E2F3: variants seen among roughly 807,000 people sequenced by gnomAD.
E2F3 encodes transcription factor E2F3.
E2F3 carries 11 observed loss-of-function variants against 44.4 expected under a neutral mutation model. That is an observed-to-expected ratio of 0.25 (90% CI 0.16 to 0.41). E2F3 has a LOEUF of 0.41. E2F3 is among the 10% of genes least tolerant of loss of function. The pLI is 1.00. For synonymous variants in E2F3, 249 were observed against 253.0 expected (o/e 0.98, Z 0.15); for missense variants, 487 against 583.6 (o/e 0.83, Z 1.70).
chr6:20,491,448 G>A lies in E2F3; in HGVS notation c.*1018G>A, dbSNP rs556130215. 1 of 224,304 alleles carries A rather than the reference G, an allele frequency of 4.5e-6. No individual in the cohort carries two copies. The highest frequency in any genetic ancestry group is 2.2e-5 in the African/African-American group (1 of 44,856). 13.9% of individuals were successfully genotyped at this position (224,304 alleles called of 1,614,324 possible). On this transcript the variant is annotated 3_prime_UTR_variant, in exon 7 of 7. Transcript: ENST00000346618. Reference sequence around the variant, plus strand: ...CCATCGTGCTTCCATTCCCAGGAGGGGGAGCTTGGAGCGAGTCAGTCCTGG... The same window carrying A: ...CCATCGTGCTTCCATTCCCAGGAGGAGGAGCTTGGAGCGAGTCAGTCCTGG...
intron 3 of E2F3, 129 bp from the exon 4 acceptor site, chr6:20,482,633 C>A: frequency 1.9e-6 from 1 of 521,476 alleles, no homozygotes; most frequent in Non-Finnish European, 3.1e-6. Flanking sequence ...TGTAAATGTT[C>A]TAATTTTAAC....
intron 1 of E2F3, among the ~76,000 whole-genome samples, chr6:20,430,684 A>G (rs1760372141): frequency 6.6e-6 from 1 of 152,116 alleles, no homozygotes; most frequent in Non-Finnish European, 1.5e-5. Flanking sequence ...AAGTGAGGTG[A>G]TTTTACTCTT....
At position 20,425,704 on chromosome 6, in the gene E2F3, A is replaced by G. The variant is rs116506289; in HGVS notation, c.393+23079A>G. 2.2e-3 allele frequency among the ~76,000 whole-genome samples: 328 copies of G among 152,128 alleles called. 1 individual carries two copies. Among genetic ancestry groups the G allele is most frequent in the African/African-American group, 7.6e-3 (315 of 41,508 alleles). ...TGAGCCACTGCGCCCGGCCCCTTCT[A>G]CCTTTTAGAAGAAAATGCAACAACG... On this transcript the variant is annotated intron_variant, in intron 1 of 6. Transcript: ENST00000346618.
chr6:20,402,550 C>T lies in E2F3; in HGVS notation c.318C>T (p.Pro106=), dbSNP rs1177813256. Reference sequence around the variant, plus strand: ...TCCTCTACACCACGCCGCACGGACCCTCCAGCAGAGCCGGGCTGCTGCAGC... The same window carrying T: ...TCCTCTACACCACGCCGCACGGACCTTCCAGCAGAGCCGGGCTGCTGCAGC... ...GSLLYTTPHG[P]SSRAGLLQQP... The change falls in exon 1 of 7, where the codon CCC becomes CCT. Residue 106 remains proline, a synonymous_variant. Coordinates refer to ENST00000346618, the MANE Select transcript of E2F3 (RefSeq NM_001949.5). This position sits in a 1 kb window ranked among gnomAD's most constrained non-coding sequence, Gnocchi z 5.6. 6.3e-7 allele frequency: 1 copy of T among 1,576,934 alleles called. No individual in the cohort carries two copies. The highest frequency in any genetic ancestry group is 8.5e-7 in the Non-Finnish European group (1 of 1,171,322).
At chr6:20,416,383 C>T (rs1561849897) in intron 1 of E2F3, among the ~76,000 whole-genome samples, 1 of 152,166 alleles carries the variant, frequency 6.6e-6, no homozygotes. Context: ...TTCTAGGTAC[C>T]AGGAATACAG....
intron 1 of E2F3, among the ~76,000 whole-genome samples, chr6:20,418,880 CTTA>C (rs1402782502): frequency 1.3e-5 from 2 of 151,416 alleles, no homozygotes; most frequent in African/African-American, 4.9e-5. Flanking sequence ...TTAGTACCTG[CTTA>C]TTATTTTTTT....
In E2F3 at chr6:20,482,808, G is replaced by A; in HGVS notation, c.772G>A (p.Gly258Ser). The change falls in exon 4 of 7, where the codon GGC becomes AGC. Residue 258 changes from glycine (G) to serine (S), a missense_variant. This residue lies in a region of E2F3 where 220 missense variants were observed against 261.7 expected (regional missense o/e 0.84). Transcript: ENST00000346618. ...EDGGMLAQCQ[G>S]LSKEVTELSQ... Reference sequence around the variant, plus strand: ...TGGGGGCATGCTGGCCCAGTGTCAAGGCCTGTCAAAAGAAGTGACCGAGCT... The same window carrying A: ...TGGGGGCATGCTGGCCCAGTGTCAAAGCCTGTCAAAAGAAGTGACCGAGCT... 4 of 1,613,208 alleles carry A rather than the reference G, an allele frequency of 2.5e-6. No homozygotes were observed. The highest frequency in any genetic ancestry group is 3.4e-6 in the Non-Finnish European group (4 of 1,179,696).
intron 1 of E2F3, among the ~76,000 whole-genome samples, chr6:20,410,273 A>G (rs537653382): frequency 3.2e-4 from 48 of 152,304 alleles, no homozygotes; most frequent in African/African-American, 1.1e-3. Context: ...TCATGTGTTT[A>G]TAACCTGCAC....
intron 1 of E2F3, among the ~76,000 whole-genome samples, chr6:20,437,634 T>A (rs1307651810): frequency 6.6e-6 from 1 of 152,214 alleles, no homozygotes; most frequent in Admixed American, 6.5e-5. Flanking sequence ...CCTATTTTTG[T>A]TAAGGAGAGC....
intron 4 of E2F3, among the ~76,000 whole-genome samples, chr6:20,485,367 C>T (rs1762358163): frequency 6.6e-6 from 1 of 152,048 alleles, no homozygotes; most frequent in Non-Finnish European, 1.5e-5. Context: ...TCACTTGAGT[C>T]CAGGAGTTCA....
chr6:20,438,430 C>T (rs1885726), intron 1 of E2F3, among the ~76,000 whole-genome samples: 135,285 of 152,186 alleles, frequency 0.89, 60,287 homozygotes, highest in South Asian at 0.93. Context: ...CTGGGCTTTG[C>T]CTCAAGGTGT....
chr6:20,419,590 G>A (rs1759957811), intron 1 of E2F3, among the ~76,000 whole-genome samples: 1 of 151,780 alleles, frequency 6.6e-6, no homozygotes, highest in Admixed American at 6.6e-5. Flanking sequence ...TTGAGATGGA[G>A]TCTTGCTCTG....
chr6:20,419,771 G>A (rs1759964969), intron 1 of E2F3, among the ~76,000 whole-genome samples: 1 of 152,060 alleles, frequency 6.6e-6, no homozygotes. Flanking sequence ...TCACCGTGTT[G>A]CCCAGGCTGG....
chr6:20,485,138 TG>T (rs1364446399), intron 4 of E2F3, among the ~76,000 whole-genome samples: 1 of 152,216 alleles, frequency 6.6e-6, no homozygotes, highest in Non-Finnish European at 1.5e-5. Flanking sequence ...AGGAATTTTT[TG>T]TGGGTACATA....
At chr6:20,419,647 TC>T (rs753505503) in intron 1 of E2F3, among the ~76,000 whole-genome samples, 6 of 151,882 alleles carry the variant, frequency 4.0e-5, no homozygotes, top group Non-Finnish European at 8.8e-5. Context: ...CACTGCAACC[TC>T]CATTTCCCAG....
At chr6:20,479,185 G>A (rs1762139310) in intron 1 of E2F3, among the ~76,000 whole-genome samples, 1 of 152,212 alleles carries the variant, frequency 6.6e-6, no homozygotes, top group South Asian at 2.1e-4. Flanking sequence ...TCCCGATGAA[G>A]GGCCGTTTGT....
intron 6 of E2F3, among the ~76,000 whole-genome samples, chr6:20,488,855 G>A (rs186193901): frequency 2.0e-3 from 297 of 152,168 alleles, no homozygotes; most frequent in Non-Finnish European, 3.5e-3. Context: ...TTAGCTGTGC[G>A]TGGTGGCACG....
At chr6:20,443,987 G>A (rs2127597505) in intron 1 of E2F3, among the ~76,000 whole-genome samples, 1 of 151,858 alleles carries the variant, frequency 6.6e-6, no homozygotes. Flanking sequence ...CGAGGTGGGA[G>A]GATTACTGAA....
chr6:20,482,874 T>C lies in E2F3; in HGVS notation c.838T>C (p.Cys280Arg), dbSNP rs1327749330. The C allele has an allele frequency of 6.2e-7, 1 of 1,613,912 alleles. No homozygotes were observed. Among genetic ancestry groups the C allele is most frequent in the Non-Finnish European group, 8.5e-7 (1 of 1,179,854 alleles). ...EKKLDELIQSCTLDLKLLTED... is the reference protein window; with the variant it reads ...EKKLDELIQSRTLDLKLLTED... ...GAAATTAGATGAACTGATCCAAAGC[T>C]GCACCCTGGACCTCAAACTGTTAAC... The change falls in exon 4 of 7, where the codon TGC becomes CGC. Residue 280 changes from cysteine to arginine, a missense_variant. This residue lies in a region of E2F3 where 220 missense variants were observed against 261.7 expected (regional missense o/e 0.84). Coordinates refer to ENST00000346618, the MANE Select transcript of E2F3 (RefSeq NM_001949.5).
Sources: gnomAD v4.1 joint callset for allele counts (sites outside exome capture counted in the v4.1 genomes callset) on GRCh38, gnomAD v4.1.1 for gene constraint, gnomAD v4.1.1 regional missense constraint, Gnocchi (gnomAD v3.1) non-coding constraint, MANE v1.5 for transcripts, NCBI Gene and HGNC (gene_info 2026-07-23, HGNC 2026-07-21) for gene names.